DTWD2: variants seen among roughly 807,000 people sequenced by gnomAD.
DTWD2 encodes the protein tRNA-uridine aminocarboxypropyltransferase 2.
A neutral mutation model predicts 31.8 loss-of-function variants in DTWD2; 39 were observed. That is an observed-to-expected ratio of 1.22 (90% CI 0.95 to 1.60). DTWD2 has a LOEUF of 1.60. Ranked by LOEUF, DTWD2 falls within the 40% of genes most tolerant of loss-of-function variation. DTWD2 has a pLI of 0.00. For synonymous variants in DTWD2, 180 were observed against 142.8 expected (o/e 1.26, Z -1.86); for missense variants, 515 against 381.5 (o/e 1.35, Z -2.92).
rs1303724481 is a variant in DTWD2, at chr5:118,837,245, T to TCTA, written c.*3671_*3672insTAG. On this transcript the variant is annotated 3_prime_UTR_variant, in exon 6 of 6. Coordinates refer to ENST00000510708, the MANE Select transcript of DTWD2 (RefSeq NM_173666.4). ...TAATGTAGCTAATAAAAATTTAGAT[T>TCTA]GGACAATTTAAGAGAGTAATTCATT... 6.6e-6 allele frequency: 1 copy of TCTA among 152,142 alleles called. No homozygotes were observed. The highest frequency in any genetic ancestry group is 2.4e-5 in the African/African-American group (1 of 41,432). The allele number at this position is 152,142 out of a possible 1,614,324, so 9.4% of individuals were successfully genotyped here.
intron 1 of DTWD2, among the ~76,000 whole-genome samples, chr5:118,955,689 G>A (rs1561470176): frequency 1.3e-5 from 2 of 151,936 alleles, no homozygotes; most frequent in African/African-American, 4.8e-5. Context: ...CAGCTACTCA[G>A]GAGGCTAAGG....
At chr5:118,889,416 T>C (rs1752932991) in intron 4 of DTWD2, among the ~76,000 whole-genome samples, 1 of 152,084 alleles carries the variant, frequency 6.6e-6, no homozygotes, top group Non-Finnish European at 1.5e-5. Context: ...GAGACAGCTA[T>C]AAAAATGAAT....
At chr5:118,985,509 T>TAC (rs1488614649) in intron 1 of DTWD2, among the ~76,000 whole-genome samples, 2 of 124,364 alleles carry the variant, frequency 1.6e-5, no homozygotes, top group Admixed American at 8.1e-5. Flanking sequence ...TATATATATA[T>TAC]ATATATATAC....
chr5:118,894,631 T>C (rs560704892), intron 4 of DTWD2, among the ~76,000 whole-genome samples: 1 of 152,256 alleles, frequency 6.6e-6, no homozygotes, highest in African/African-American at 2.4e-5. Flanking sequence ...AACAAAATAC[T>C]AGCAAACAGA....
At chr5:118,883,725 G>A (rs1040147477) in intron 4 of DTWD2, among the ~76,000 whole-genome samples, 2 of 152,074 alleles carry the variant, frequency 1.3e-5, no homozygotes, top group Non-Finnish European at 2.9e-5. Context: ...CACAAAAACA[G>A]CACCCCCATG....
At chr5:118,852,097 A>G (rs981689255) in intron 4 of DTWD2, among the ~76,000 whole-genome samples, 12 of 152,134 alleles carry the variant, frequency 7.9e-5, no homozygotes, top group Admixed American at 2.6e-4. Flanking sequence ...GAATTTAGTG[A>G]TATCTCTCCT....
At chr5:118,946,671 T>C (rs948068658) in intron 1 of DTWD2, among the ~76,000 whole-genome samples, 3 of 152,176 alleles carry the variant, frequency 2.0e-5, no homozygotes, top group African/African-American at 7.2e-5. Context: ...TTTGAATTTT[T>C]TTTAATAAAT....
chr5:118,840,899 AC>A lies in DTWD2; in HGVS notation c.*17del. 6.2e-7 allele frequency: 1 copy of A among 1,609,230 alleles called. No homozygotes were observed. The highest frequency in any genetic ancestry group is 8.5e-7 in the Non-Finnish European group (1 of 1,177,314). Reference sequence around the variant, plus strand: ...GTTAGATGAAGACAGTTAAGCTAGCACCAAAAGAATAACTGTACTAAATTTT... The same window carrying A: ...GTTAGATGAAGACAGTTAAGCTAGCACAAAAGAATAACTGTACTAAATTTT... On this transcript the variant is annotated 3_prime_UTR_variant, in exon 6 of 6. Coordinates refer to ENST00000510708, the MANE Select transcript of DTWD2 (RefSeq NM_173666.4).
chr5:118,943,443 C>T (rs568167561), intron 2 of DTWD2, among the ~76,000 whole-genome samples: 3 of 151,094 alleles, frequency 2.0e-5, no homozygotes, highest in South Asian at 2.1e-4. Flanking sequence ...CCCAGCTACT[C>T]GGGAGGCCGA....
chr5:118,967,806 T>C (rs527245808), intron 1 of DTWD2, among the ~76,000 whole-genome samples: 99 of 152,242 alleles, frequency 6.5e-4, no homozygotes, highest in Middle Eastern at 3.4e-3. Context: ...CAGAGCACCA[T>C]AGCCATAATT....
intron 4 of DTWD2, among the ~76,000 whole-genome samples, chr5:118,875,168 T>C (rs902485254): frequency 2.0e-5 from 3 of 152,062 alleles, no homozygotes; most frequent in Non-Finnish European, 4.4e-5. Context: ...CTGAGGGAAA[T>C]TGTTGCCAAC....
At chr5:118,887,559 T>C (rs1752893787) in intron 4 of DTWD2, among the ~76,000 whole-genome samples, 1 of 152,224 alleles carries the variant, frequency 6.6e-6, no homozygotes, top group Non-Finnish European at 1.5e-5. Context: ...GCCTTCTGTA[T>C]ACAAAAGCAT....
intron 5 of DTWD2, among the ~76,000 whole-genome samples, chr5:118,845,146 G>GAAAAGA (rs1751820522): frequency 6.6e-6 from 1 of 151,358 alleles, no homozygotes; most frequent in Admixed American, 6.6e-5. Context: ...GACTCTGTTG[G>GAAAAGA]AAAAGAAAAA....
chr5:118,935,676 T>C (rs185942069), intron 3 of DTWD2, among the ~76,000 whole-genome samples: 1 of 152,282 alleles, frequency 6.6e-6, no homozygotes. Context: ...AAAGGACTAG[T>C]GCATCAAGTT....
At chr5:118,867,435 C>T (rs1218585987) in intron 4 of DTWD2, among the ~76,000 whole-genome samples, 1 of 152,024 alleles carries the variant, frequency 6.6e-6, no homozygotes, top group African/African-American at 2.4e-5. Flanking sequence ...ATTATCTATC[C>T]TACACCTTTT....
intron 4 of DTWD2, among the ~76,000 whole-genome samples, chr5:118,851,364 G>C (rs1424197667): frequency 6.6e-6 from 1 of 151,578 alleles, no homozygotes; most frequent in Non-Finnish European, 1.5e-5. Context: ...TTTACATCTG[G>C]GCCGCCGGGG....
At chr5:118,868,622 G>T (rs1752433231) in intron 4 of DTWD2, among the ~76,000 whole-genome samples, 1 of 152,040 alleles carries the variant, frequency 6.6e-6, no homozygotes, top group South Asian at 2.1e-4. Context: ...AGGATCACTT[G>T]AATCCAGGAG....
intron 4 of DTWD2, among the ~76,000 whole-genome samples, chr5:118,902,186 G>T: frequency 6.6e-6 from 1 of 152,008 alleles, no homozygotes; most frequent in African/African-American, 2.4e-5. Flanking sequence ...ACTGAATAGT[G>T]GAAAGCTACA....
At chr5:118,962,794 A>T (rs943959949) in intron 1 of DTWD2, among the ~76,000 whole-genome samples, 1 of 152,228 alleles carries the variant, frequency 6.6e-6, no homozygotes, top group African/African-American at 2.4e-5. Context: ...AGCCTAACTT[A>T]AAGATGATGA....
Sources: gnomAD v4.1 joint callset for allele counts (sites outside exome capture counted in the v4.1 genomes callset) on GRCh38, gnomAD v4.1.1 for gene constraint, MANE v1.5 for transcripts, NCBI Gene and HGNC (gene_info 2026-07-23, HGNC 2026-07-21) for gene names.